Variants in TAPT1 observed in about 807,000 individuals in gnomAD.
TAPT1 encodes transmembrane anterior posterior transformation 1, also known as transmembrane anterior posterior transformation protein 1 homolog.
A neutral mutation model predicts 65.6 loss-of-function variants in TAPT1; 28 were observed. That is an observed-to-expected ratio of 0.43 (90% CI 0.32 to 0.59). The LOEUF (loss-of-function observed/expected upper bound fraction) is 0.59, where lower values mean the gene tolerates loss of function less well. Ranked by LOEUF, TAPT1 falls within the 20% of genes least tolerant of loss-of-function variation. The pLI is 0.09. For missense variants in TAPT1, 563 were observed against 679.9 expected, an observed-to-expected ratio of 0.83 and a Z score of 1.91; for synonymous variants, 278 against 245.2, an observed-to-expected ratio of 1.13 and a Z score of -1.25.
intron 1 of TAPT1, 111 bp from the exon 2 acceptor site, chr4:16,214,009 T>C: frequency 2.4e-6 from 2 of 835,070 alleles, no homozygotes; most frequent in Non-Finnish European, 1.8e-6. Flanking sequence ...CCAAAATAAA[T>C]GTTATCTATA....
intron 2 of TAPT1, among the ~76,000 whole-genome samples, chr4:16,212,611 G>GTT (rs1280003413): frequency 3.9e-5 from 6 of 152,148 alleles, no homozygotes; most frequent in Admixed American, 3.9e-4. Flanking sequence ...CTCCTTATCT[G>GTT]TAAGTCCCTC....
At chr4:16,200,322 G>A (rs772752075) in intron 3 of TAPT1, among the ~76,000 whole-genome samples, 2 of 152,026 alleles carry the variant, frequency 1.3e-5, no homozygotes, top group African/African-American at 4.8e-5. Flanking sequence ...CATAGTATTA[G>A]TTATTTTCTT....
At chr4:16,224,328 A>C (rs1222764709) in intron 1 of TAPT1, among the ~76,000 whole-genome samples, 1 of 152,160 alleles carries the variant, frequency 6.6e-6, no homozygotes, top group Non-Finnish European at 1.5e-5. Context: ...GGACTAAAAT[A>C]ATTGTTTCTA....
At position 16,162,505 on chromosome 4, in the gene TAPT1, A is replaced by G. The variant is rs1747321183; in HGVS notation, c.*803T>C. The G allele has an allele frequency of 6.5e-6, 1 of 152,862 alleles. No individual in the cohort carries two copies. The highest frequency in any genetic ancestry group is 1.5e-5 in the Non-Finnish European group (1 of 68,240). 9.5% of individuals were successfully genotyped at this position (152,862 alleles called of 1,614,324 possible). A position where few individuals can be genotyped will look rare whatever the true frequency, so the allele number is the denominator to read the frequency against. ...ATTAGTTTTAAAGCAAAATCAGTTA[A>G]GTATACCTTAAAGTTAACACTGCTC... On this transcript the variant is annotated 3_prime_UTR_variant, in exon 14 of 14. Transcript: ENST00000405303.
At chr4:16,189,150 A>G (rs1230334096) in intron 4 of TAPT1, among the ~76,000 whole-genome samples, 1 of 152,208 alleles carries the variant, frequency 6.6e-6, no homozygotes, top group African/African-American at 2.4e-5. Context: ...TGAATACAGT[A>G]TAACAGGTAA....
At position 16,208,222 on chromosome 4, in the gene TAPT1, T is replaced by A. The variant is rs75734325; in HGVS notation, c.330+5546A>T. ...AGAATTAAATTATATATTAACTATA[T>A]TCATGGAAGGATCTTGAGCTCTCCC... On this transcript the variant is annotated intron_variant, in intron 2 of 13. Transcript: ENST00000405303. 6.5e-3 allele frequency among the ~76,000 whole-genome samples: 986 copies of A among 152,364 alleles called. 10 individuals are homozygous for A. The highest frequency in any genetic ancestry group is 0.022 in the African/African-American group (908 of 41,578).
intron 7 of TAPT1, among the ~76,000 whole-genome samples, chr4:16,182,256 CAG>C (rs1488844108): frequency 6.6e-6 from 1 of 152,060 alleles, no homozygotes; most frequent in Non-Finnish European, 1.5e-5. Context: ...ATGAGAATAA[CAG>C]AGTCTGATAC....
chr4:16,174,261 A>G lies in TAPT1; in HGVS notation c.1179T>C (p.Asp393=), dbSNP rs1578417003. The part of the protein sequence containing the change: ...VSSRQKNAYT[D]YSDSVARRMG... ...TCCTCCGTGCTACAGAGTCACTGTA[A>G]TCAGTGTATGCCTGAACAGAGAAAG... is the stretch of plus-strand genomic sequence containing the variant. The change falls in exon 11 of 14, where the codon GAT becomes GAC. Residue 393 remains aspartate (D), a synonymous_variant. Transcript: ENST00000405303. 6.2e-7 allele frequency: 1 copy of G among 1,607,078 alleles called. No individual in the cohort carries two copies. The highest frequency in any genetic ancestry group is 2.2e-5 in the East Asian group (1 of 44,720).
chr4:16,226,407 G>A lies in TAPT1; in HGVS notation c.51C>T (p.Gly17=), dbSNP rs1362165029. The A allele has an allele frequency of 2.8e-6, 3 of 1,089,364 alleles. No homozygotes were observed. The highest frequency in any genetic ancestry group is 3.3e-6 in the Non-Finnish European group (3 of 897,998). 67.5% of individuals were successfully genotyped at this position (1,089,364 alleles called of 1,614,324 possible). The change falls in exon 1 of 14, where the codon GGC becomes GGT. Residue 17 remains glycine, a synonymous_variant. Transcript: ENST00000405303. ...AAAPGEGGGG[G]VDGPQRDGRG... The stretch of plus-strand genomic sequence containing the variant: ...GGCCGTCCCGCTGCGGGCCGTCCAC[G>A]CCGCCACCGCCGCCTTCTCCCGGAG...
Position 16,183,693 on chromosome 4 carries a change from T to C in TAPT1, c.916+2842A>G, listed in dbSNP as rs193091225. Among the ~76,000 whole-genome samples the C allele has an allele frequency of 1.8e-3, 276 of 152,306 alleles. 1 individual carries two copies. The highest frequency in any genetic ancestry group is 3.4e-3 in the Non-Finnish European group (228 of 68,006). On this transcript the variant is annotated intron_variant, in intron 7 of 13. Transcript: ENST00000405303. ...AATATGAATTAATTTAAAAAAAACA[T>C]GGTTTCCACAACAAACGAAATTCTT...
At chr4:16,209,583 C>A (rs1008169157) in intron 2 of TAPT1, among the ~76,000 whole-genome samples, 2 of 152,152 alleles carry the variant, frequency 1.3e-5, no homozygotes, top group Non-Finnish European at 2.9e-5. Flanking sequence ...AGTCCTTAGA[C>A]AAGGGACAAT....
At chr4:16,165,035 C>T (rs936049665) in intron 13 of TAPT1, among the ~76,000 whole-genome samples, 2 of 152,104 alleles carry the variant, frequency 1.3e-5, no homozygotes, top group Non-Finnish European at 2.9e-5. Context: ...GACGCTTTTC[C>T]AGGTCTCCAT....
chr4:16,182,733 C>T (rs1748781848), intron 7 of TAPT1: 1 of 152,144 alleles, frequency 6.6e-6, no homozygotes, highest in Non-Finnish European at 1.5e-5. Flanking sequence ...GAATGCAAAC[C>T]AGAAAGGCTG....
Position 16,163,305 on chromosome 4 carries a change from G to A in TAPT1, c.*3C>T. On this transcript the variant is annotated 3_prime_UTR_variant, in exon 14 of 14. Coordinates refer to ENST00000405303, the MANE Select transcript of TAPT1 (RefSeq NM_153365.3). ...AGCTTCTTCAGCGCATGAAGCCACA[G>A]ATTCAGTCAATTCGGTTTCCACAAA... 1.2e-6 allele frequency: 2 copies of A among 1,612,130 alleles called. No individual in the cohort carries two copies. The highest frequency in any genetic ancestry group is 1.3e-5 in the African/African-American group (1 of 75,020).
chr4:16,181,489 T>G (rs776618414), intron 7 of TAPT1, among the ~76,000 whole-genome samples: 1 of 152,220 alleles, frequency 6.6e-6, no homozygotes, highest in Admixed American at 6.5e-5. Context: ...GCTGCAAGTA[T>G]AGAGAAAATC....
intron 2 of TAPT1, among the ~76,000 whole-genome samples, chr4:16,208,526 T>C (rs1750470287): frequency 6.6e-6 from 1 of 152,200 alleles, no homozygotes; most frequent in African/African-American, 2.4e-5. Context: ...CCCCATTTCT[T>C]TGTTTATAAT....
At chr4:16,208,441 G>A (rs1750465204) in intron 2 of TAPT1, among the ~76,000 whole-genome samples, 2 of 152,226 alleles carry the variant, frequency 1.3e-5, no homozygotes, top group African/African-American at 2.4e-5. Flanking sequence ...AGACAGAAGT[G>A]GAAGTATTCC....
chr4:16,163,056 C>T lies in TAPT1; in HGVS notation c.*252G>A, dbSNP rs1442336319. On this transcript the variant is annotated 3_prime_UTR_variant, in exon 14 of 14. Coordinates refer to ENST00000405303, the MANE Select transcript of TAPT1 (RefSeq NM_153365.3). ...TTGGGTCCTGGAAATGATGCTGCTG[C>T]TTGGCCAGGCAGGAGGAAGTTTTAT... is the stretch of plus-strand genomic sequence containing the variant. The T allele has an allele frequency of 7.1e-6, 4 of 566,176 alleles. No homozygotes were observed. The highest frequency in any genetic ancestry group is 2.2e-5 in the Admixed American group (1 of 45,940). The allele number at this position is 566,176 out of a possible 1,614,324, so 35.1% of individuals were successfully genotyped here.
chr4:16,206,686 T>C (rs1023560975), intron 2 of TAPT1, among the ~76,000 whole-genome samples: 2 of 152,058 alleles, frequency 1.3e-5, no homozygotes, highest in Non-Finnish European at 2.9e-5. Flanking sequence ...GCCATCAGTG[T>C]GAATGATCAC....
Sources: allele counts gnomAD v4.1 joint callset (sites outside exome capture counted in the v4.1 genomes callset), GRCh38; gene constraint gnomAD v4.1.1; transcripts MANE v1.5; gene names NCBI Gene and HGNC (gene_info 2026-07-23, HGNC 2026-07-21).